KCNH5: variants seen among roughly 807,000 people sequenced by gnomAD.
KCNH5 encodes the protein voltage-gated delayed rectifier potassium channel KCNH5.
In KCNH5, 46 loss-of-function variants were observed where a neutral mutation model predicts 96.1. The ratio of observed to expected loss-of-function variants is 0.48; its 90% CI spans 0.38 to 0.61. KCNH5 has a LOEUF of 0.61. Ranked by LOEUF, KCNH5 falls within the 20% of genes least tolerant of loss-of-function variation. The pLI is 0.00. For missense variants in KCNH5, 907 were observed against 1,225.8 expected (o/e 0.74, Z 3.88); for synonymous variants, 439 against 449.8 (o/e 0.98, Z 0.30).
intron 7 of KCNH5, among the ~76,000 whole-genome samples, chr14:62,923,634 GA>G (rs1161076691): frequency 6.6e-6 from 1 of 151,816 alleles, no homozygotes; most frequent in Non-Finnish European, 1.5e-5. Flanking sequence ...TAGACCAATG[GA>G]ACAGGACAGA....
intron 7 of KCNH5, 147 bp from the exon 8 acceptor site, chr14:62,849,999 C>T: frequency 1.6e-6 from 1 of 640,450 alleles, no homozygotes; most frequent in South Asian, 1.9e-5. Flanking sequence ...GACTGCCTGA[C>T]ACCTGGTATT....
chr14:62,728,676 A>G (rs577400554), intron 10 of KCNH5, among the ~76,000 whole-genome samples: 3 of 152,286 alleles, frequency 2.0e-5, no homozygotes, highest in Non-Finnish European at 4.4e-5. Flanking sequence ...GATTCTGGAG[A>G]AGTTATTTAA....
chr14:63,039,290 A>C (rs1396734695), intron 1 of KCNH5, among the ~76,000 whole-genome samples: 1 of 152,104 alleles, frequency 6.6e-6, no homozygotes, highest in Non-Finnish European at 1.5e-5. Context: ...TTTGGAGTTT[A>C]ATAATTTAAA....
chr14:62,960,025 C>T (rs1008037152), intron 6 of KCNH5, among the ~76,000 whole-genome samples: 2 of 152,154 alleles, frequency 1.3e-5, no homozygotes, highest in Non-Finnish European at 2.9e-5. Context: ...CTTGCACAGT[C>T]GGGTCCAGGC....
intron 8 of KCNH5, among the ~76,000 whole-genome samples, chr14:62,812,189 A>T (rs1006164340): frequency 6.6e-6 from 1 of 152,174 alleles, no homozygotes; most frequent in Non-Finnish European, 1.5e-5. Context: ...TACTAAAAAA[A>T]TTAAAATGCT....
intron 10 of KCNH5, among the ~76,000 whole-genome samples, chr14:62,724,175 T>A (rs1412738996): frequency 6.6e-6 from 1 of 152,232 alleles, no homozygotes; most frequent in Non-Finnish European, 1.5e-5. Flanking sequence ...TAGCACTGGT[T>A]ATTAGTACCA....
intron 8 of KCNH5, among the ~76,000 whole-genome samples, chr14:62,830,938 T>A (rs940659798): frequency 1.2e-4 from 19 of 152,290 alleles, no homozygotes; most frequent in African/African-American, 4.6e-4. Flanking sequence ...CTTCCCTTCC[T>A]CGCTAAGCTT....
At chr14:62,755,037 A>G (rs1018619468) in intron 10 of KCNH5, among the ~76,000 whole-genome samples, 53 of 151,628 alleles carry the variant, frequency 3.5e-4, no homozygotes, top group African/African-American at 1.3e-3. Flanking sequence ...CTAATGATGC[A>G]TACTGAAGAA....
intron 1 of KCNH5, among the ~76,000 whole-genome samples, chr14:63,029,901 T>G (rs1891594629): frequency 6.6e-6 from 1 of 152,120 alleles, no homozygotes; most frequent in African/African-American, 2.4e-5. Context: ...TAATTAAAAT[T>G]GCTTCCCAGA....
At chr14:62,882,129 C>G (rs1434503062) in intron 7 of KCNH5, among the ~76,000 whole-genome samples, 4 of 83,132 alleles carry the variant, frequency 4.8e-5, no homozygotes, top group East Asian at 4.5e-4. Flanking sequence ...AAAAAAAAAG[C>G]TGGGGCATGG....
At position 62,707,488 on chromosome 14, in the gene KCNH5, C is replaced by A; in HGVS notation, c.*20G>T. The A allele has an allele frequency of 2.5e-6, 3 of 1,180,858 alleles. No homozygotes were observed. Among genetic ancestry groups the A allele is most frequent in the Non-Finnish European group, 3.4e-6 (3 of 888,712 alleles). The allele number at this position is 1,180,858 out of a possible 1,614,324, so 73.1% of individuals were successfully genotyped here. A position where few individuals can be genotyped will look rare whatever the true frequency, so the allele number is the denominator to read the frequency against. Reference sequence around the variant, plus strand: ...TGTATATACTGTTTTAATATATTAACAAATATATATGTATATATATTAAAA... The same window carrying A: ...TGTATATACTGTTTTAATATATTAAAAAATATATATGTATATATATTAAAA... On this transcript the variant is annotated 3_prime_UTR_variant, in exon 11 of 11. Coordinates refer to ENST00000322893, the MANE Select transcript of KCNH5 (RefSeq NM_139318.5).
intron 8 of KCNH5, among the ~76,000 whole-genome samples, chr14:62,842,122 T>C (rs544998459): frequency 1.1e-4 from 17 of 152,316 alleles, no homozygotes; most frequent in Admixed American, 1.1e-3. Flanking sequence ...ACATGAAAAG[T>C]TTACTAATAA....
intron 7 of KCNH5, among the ~76,000 whole-genome samples, chr14:62,904,195 GT>G (rs1490780629): frequency 2.6e-5 from 4 of 152,100 alleles, no homozygotes; most frequent in African/African-American, 9.7e-5. Flanking sequence ...AATAATTTTA[GT>G]TTAAGTGAAT....
At chr14:62,957,313 T>G (rs1890122716) in intron 6 of KCNH5, among the ~76,000 whole-genome samples, 1 of 152,176 alleles carries the variant, frequency 6.6e-6, no homozygotes, top group Non-Finnish European at 1.5e-5. Flanking sequence ...TAATAGCAGG[T>G]AGATAATTCA....
At chr14:62,724,431 G>T (rs927068741) in intron 10 of KCNH5, among the ~76,000 whole-genome samples, 1 of 152,080 alleles carries the variant, frequency 6.6e-6, no homozygotes, top group Non-Finnish European at 1.5e-5. Flanking sequence ...AAAAGAAAAA[G>T]ATATATATAA....
At chr14:62,750,996 A>C (rs1885486997) in intron 10 of KCNH5, among the ~76,000 whole-genome samples, 1 of 152,024 alleles carries the variant, frequency 6.6e-6, no homozygotes, top group Admixed American at 6.6e-5. Flanking sequence ...CTTGCTCCAT[A>C]ACTTGTATAT....
intron 7 of KCNH5, among the ~76,000 whole-genome samples, chr14:62,912,326 T>C (rs1009343102): frequency 3.3e-5 from 5 of 152,278 alleles, no homozygotes; most frequent in East Asian, 1.9e-4. Context: ...TTAGTACTTA[T>C]ACTGTTTGCT....
intron 7 of KCNH5, among the ~76,000 whole-genome samples, chr14:62,911,622 C>T (rs11158459): frequency 0.55 from 82,963 of 151,846 alleles, 23,397 homozygotes; most frequent in South Asian, 0.68. Flanking sequence ...ATCAATAAAA[C>T]AGAATACAAA....
At chr14:62,911,731 T>C (rs1595681206) in intron 7 of KCNH5, among the ~76,000 whole-genome samples, 1 of 152,016 alleles carries the variant, frequency 6.6e-6, no homozygotes, top group Middle Eastern at 3.4e-3. Context: ...GCTTTTTTTT[T>C]TTTTAACTCA....
Sources: gnomAD v4.1 joint callset for allele counts (sites outside exome capture counted in the v4.1 genomes callset) on GRCh38, gnomAD v4.1.1 for gene constraint, MANE v1.5 for transcripts, NCBI Gene and HGNC (gene_info 2026-07-23, HGNC 2026-07-21) for gene names.